Variants in PNLDC1 observed in about 807,000 individuals in gnomAD.
PNLDC1 encodes the protein poly(A)-specific ribonuclease PNLDC1.
Under a neutral mutation model 82.0 loss-of-function variants are expected in PNLDC1, and 70 were observed. The observed-to-expected ratio is 0.85, with a 90% CI of 0.70 to 1.04. The LOEUF (loss-of-function observed/expected upper bound fraction) is 1.04, where lower values mean the gene tolerates loss of function less well. Ranked by LOEUF, PNLDC1 falls within the 50% of genes least tolerant of loss-of-function variation. PNLDC1 has a pLI of 0.00. For missense variants in PNLDC1, 631 were observed against 661.1 expected (o/e 0.95, Z 0.50); for synonymous variants, 280 against 249.3 (o/e 1.12, Z -1.16).
rs565620272 is a variant in PNLDC1, at chr6:159,818,627, C to T, written c.1230C>T (p.Asn410=). ...DVLAPYVNQV[N]LIRAGVPKIN... is the part of the protein sequence containing the mutation. ...TGGCTCCTTACGTGAACCAAGTGAA[C>T]CTCATCCGAGCGGGGGTCCCAAAGA... is the stretch of plus-strand genomic sequence containing the variant. Residue 410 remains asparagine, a synonymous_variant, in exon 16 of 19, where the codon AAC becomes AAT. Transcript: ENST00000392167. 5.4e-5 allele frequency: 87 copies of T among 1,613,830 alleles called. No homozygotes were observed. Among genetic ancestry groups the T allele is most frequent in the Non-Finnish European group, 6.9e-5 (81 of 1,180,010 alleles).
Position 159,800,369 on chromosome 6 carries a change from A to G in PNLDC1, c.62A>G (p.Glu21Gly), listed in dbSNP as rs2115019337. Residue 21 changes from glutamate to glycine, a missense_variant, in exon 1 of 19, where the codon GAG (glutamate) becomes GGG (glycine). Transcript: ENST00000392167. The stretch of plus-strand genomic sequence containing the variant: ...CCTCTGCTGCAGGAGCTCGTCCAGG[A>G]GGCCGACTTCGTGGGTGAAGAGCCT... ...SLPLLQELVQ[E>G]ADFVGLDIEF... The G allele has an allele frequency of 6.5e-7, 1 of 1,548,038 alleles. No homozygotes were observed. The highest frequency in any genetic ancestry group is 2.4e-5 in the East Asian group (1 of 40,874).
At chr6:159,809,987 T>G (rs1229988753) in intron 9 of PNLDC1, 39 bp from the exon 10 acceptor site, 1 of 1,547,460 alleles carries the variant, frequency 6.5e-7, no homozygotes, top group Admixed American at 1.7e-5. Context: ...TGGATTACAT[T>G]TTTTTATTTT....
intron 9 of PNLDC1, among the ~76,000 whole-genome samples, chr6:159,809,416 C>T (rs1781569062): frequency 6.6e-6 from 1 of 151,372 alleles, no homozygotes; most frequent in Admixed American, 6.6e-5. Context: ...TCCTGAGTAG[C>T]TGGGACTACA....
At chr6:159,805,799 T>G in intron 6 of PNLDC1, 184 bp from the exon 7 acceptor site, 1 of 590,790 alleles carries the variant, frequency 1.7e-6, no homozygotes, top group Non-Finnish European at 3.1e-6. Flanking sequence ...GGGCTATTCT[T>G]CCAATTGTTT....
Position 159,803,967 on chromosome 6 carries a change from A to C in PNLDC1, c.251A>C (p.Tyr84Ser). ...FSAIEGEANKYIAHSCNFYLF... is the reference protein window; with the variant it reads ...FSAIEGEANKSIAHSCNFYLF... ...TCTGTATGTTTGTTTTATTATAGGT[A>C]TATAGCCCATTCTTGTAACTTCTAT... The change falls in exon 5 of 19, where the codon TAT becomes TCT. Residue 84 changes from tyrosine (Y) to serine (S), a missense_variant and splice_region_variant. Physicochemically the swap from Tyr to Ser is moderately radical, Grantham distance 144 (BLOSUM62 -2). Transcript: ENST00000392167. 1 of 1,613,482 alleles carries C rather than the reference A, an allele frequency of 6.2e-7. No homozygotes were observed. Among genetic ancestry groups the C allele is most frequent in the Non-Finnish European group, 8.5e-7 (1 of 1,179,598 alleles).
chr6:159,803,360 A>G, intron 4 of PNLDC1, 50 bp downstream of exon 4: 1 of 1,550,888 alleles, frequency 6.4e-7, no homozygotes, highest in African/African-American at 1.4e-5. Context: ...CCTATGTTCC[A>G]CAGCTGCCAC....
At chr6:159,811,888 TGTTTTG>T (rs755644210) in intron 11 of PNLDC1, 102 bp downstream of exon 11, 1 of 423,848 alleles carries the variant, frequency 2.4e-6, no homozygotes. Flanking sequence ...TTGTTTTTTT[TGTTTTG>T]TTTTGTTTTG....
chr6:159,804,769 G>A (rs369479767), intron 6 of PNLDC1, 132 bp downstream of exon 6: 50 of 638,160 alleles, frequency 7.8e-5, no homozygotes, highest in East Asian at 5.3e-4. Flanking sequence ...TCAGCTGCCT[G>A]TGCAGCTGGC....
intron 11 of PNLDC1, 121 bp from the exon 12 acceptor site, chr6:159,813,478 GAA>G (rs1259682879): frequency 2.5e-6 from 2 of 812,850 alleles, no homozygotes; most frequent in Admixed American, 3.8e-5. Context: ...CATTTGAAGA[GAA>G]AGAGGAGGTT....
intron 15 of PNLDC1, 93 bp downstream of exon 15, chr6:159,817,244 T>G: frequency 8.5e-7 from 1 of 1,182,868 alleles, no homozygotes. Context: ...GTCCCAGGGT[T>G]CTACCAAAGA....
rs922818043 is a variant in PNLDC1 at position 159,813,762 on chromosome 6, C to G, written c.995+106C>G. The G allele has an allele frequency of 4.0e-6, 4 of 990,632 alleles. No individual in the cohort carries two copies. In the African/African-American group the frequency reaches 6.4e-5, roughly 16 times the overall value. The allele number at this position is 990,632 out of a possible 1,614,324, so 61.4% of individuals were successfully genotyped here. On this transcript the variant is annotated intron_variant, in intron 12 of 18. Transcript: ENST00000392167. ...GGCGTGCCCACCATTCACAGTGATG[C>G]CTGCTTGGGACTTGGTCTCCTCCAG...
rs190950900 is a variant in PNLDC1 at position 159,818,598 on chromosome 6, G to T, written c.1201G>T (p.Val401Leu). Residue 401 changes from valine (V) to leucine (L), a missense_variant, in exon 16 of 19, where the codon GTG (valine) becomes TTG (leucine). Physicochemically the swap from Val to Leu is conservative, Grantham distance 32. Transcript: ENST00000392167. ...PESSFPQYLD[V>L]LAPYVNQVNL... ...GTCATCCTTTCCTCAGTACCTTGAC[G>T]TGCTGGCTCCTTACGTGAACCAAGT... is the stretch of plus-strand genomic sequence containing the variant. The T allele has an allele frequency of 6.2e-7, 1 of 1,613,892 alleles. No individual in the cohort carries two copies. Among genetic ancestry groups the T allele is most frequent in the Non-Finnish European group, 8.5e-7 (1 of 1,180,028 alleles).
At chr6:159,810,179 C>A in intron 10 of PNLDC1, 84 bp downstream of exon 10, 1 of 1,318,320 alleles carries the variant, frequency 7.6e-7, no homozygotes, top group Non-Finnish European at 1.1e-6. Flanking sequence ...ACCCCTGAGG[C>A]AGCTCCTAAA....
intron 10 of PNLDC1, among the ~76,000 whole-genome samples, chr6:159,811,117 T>G (rs1781631986): frequency 6.6e-6 from 1 of 152,048 alleles, no homozygotes; most frequent in Non-Finnish European, 1.5e-5. Flanking sequence ...GCGAGAGAGA[T>G]GGGAATAAAT....
chr6:159,816,639 T>C, intron 14 of PNLDC1, 43 bp downstream of exon 14: 2 of 1,573,814 alleles, frequency 1.3e-6, no homozygotes, highest in South Asian at 1.1e-5. Flanking sequence ...ACTTTTTTTT[T>C]TTTTTTTTCT....
intron 11 of PNLDC1, among the ~76,000 whole-genome samples, chr6:159,813,220 G>A (rs1374340532): frequency 6.6e-6 from 1 of 152,134 alleles, no homozygotes; most frequent in African/African-American, 2.4e-5. Context: ...GAACTTTTAG[G>A]ATTTAGTAAC....
chr6:159,800,866 T>G, intron 2 of PNLDC1, 37 bp downstream of exon 2: 2 of 1,613,866 alleles, frequency 1.2e-6, no homozygotes, highest in Non-Finnish European at 1.7e-6. Flanking sequence ...TATAAGAGCC[T>G]GGCCAGACCA....
In PNLDC1 at chr6:159,820,698, T is replaced by TATC. The variant is rs1782011795; in HGVS notation, c.*182_*184dup. 1 of 625,270 alleles carries TATC rather than the reference T, an allele frequency of 1.6e-6. No individual in the cohort carries two copies. The highest frequency in any genetic ancestry group is 1.8e-5 in the African/African-American group (1 of 54,868). 38.7% of individuals were successfully genotyped at this position (625,270 alleles called of 1,614,324 possible). A position where few individuals can be genotyped will look rare whatever the true frequency, so the allele number is the denominator to read the frequency against. ...TCTCAATGATAAATCAGTCCTTAGA[T>TATC]ATCGTACCTGTATGTGTGGTCAGAA... On this transcript the variant is annotated 3_prime_UTR_variant, in exon 19 of 19. Transcript: ENST00000392167.
At position 159,820,498 on chromosome 6, in the gene PNLDC1, T is replaced by G; in HGVS notation, c.1577T>G (p.Leu526Arg). The change falls in exon 19 of 19, where the codon CTT (leucine) becomes CGT (arginine). Residue 526 changes from leucine to arginine, a missense_variant. Physicochemically the swap from Leu to Arg is moderately radical, Grantham distance 102. Coordinates refer to ENST00000392167, the MANE Select transcript of PNLDC1 (RefSeq NM_001271862.2). ...GCCTGGGCCCTTCTCGCGTTCATCC[T>G]TGGAAGATCTGGTACCTGAGTGCAG... is the stretch of plus-strand genomic sequence containing the variant. ...VTAWALLAFI[L>R]GRSGT 6.2e-7 allele frequency: 1 copy of G among 1,614,172 alleles called. No homozygotes were observed. The highest frequency in any genetic ancestry group is 8.5e-7 in the Non-Finnish European group (1 of 1,180,026).
Sources: gnomAD v4.1 joint callset for allele counts (sites outside exome capture counted in the v4.1 genomes callset) on GRCh38, gnomAD v4.1.1 for gene constraint, MANE v1.5 for transcripts, NCBI Gene and HGNC (gene_info 2026-07-23, HGNC 2026-07-21) for gene names.